The following CAPN13 variants were observed in gnomAD, a reference collection of about 807,000 sequenced individuals.
CAPN13 encodes calpain-13.
A neutral mutation model predicts 98.4 loss-of-function variants in CAPN13; 90 were observed. The observed-to-expected ratio is 0.92, with a 90% CI of 0.77 to 1.09. The LOEUF (loss-of-function observed/expected upper bound fraction) is 1.09, where lower values mean the gene tolerates loss of function less well. Among genes scored for constraint, CAPN13 ranks in the 50% least tolerant of loss-of-function variants. The probability of loss-of-function intolerance (pLI) is 0.00; values close to 1 mark genes in which losing one functional copy is unlikely to be tolerated. For missense variants in CAPN13, 887 were observed against 841.3 expected (o/e 1.05, Z -0.67); for synonymous variants, 330 against 305.5 (o/e 1.08, Z -0.84).
chr2:30,768,418 G>C (rs1019446665), intron 5 of CAPN13, among the ~76,000 whole-genome samples: 1 of 152,216 alleles, frequency 6.6e-6, no homozygotes, highest in Non-Finnish European at 1.5e-5. Flanking sequence ...AAAGACAGGT[G>C]ACTGGGTGGG....
Position 30,751,160 on chromosome 2 carries a change from T to A in CAPN13, c.1179A>T (p.Thr393=). 6.2e-7 allele frequency: 1 copy of A among 1,613,894 alleles called. No homozygotes were observed. The highest frequency in any genetic ancestry group is 8.5e-7 in the Non-Finnish European group (1 of 1,179,830). The part of the protein sequence containing the change: ...NVVVCVTVAV[T]PSNLKAEDAK... ...CATCTTCTGCTTTCAAATTTGATGG[T>A]GTGACAGCAACTGTGACGCACACGA... is the stretch of plus-strand genomic sequence containing the variant. The change falls in exon 11 of 23, where the codon ACA becomes ACT. Residue 393 remains threonine (T), a synonymous_variant. Transcript: ENST00000295055.
At position 30,743,807 on chromosome 2, in the gene CAPN13, G is replaced by T. The variant is rs552307753; in HGVS notation, c.1249-228C>A. 17 of 658,548 alleles carry T rather than the reference G, an allele frequency of 2.6e-5. No homozygotes were observed. In the African/African-American group the frequency reaches 3.0e-4, roughly 12 times the overall value. 40.8% of individuals were successfully genotyped at this position (658,548 alleles called of 1,614,324 possible). ...TGGATGCAAGGAAATACCACACACA[G>T]TTTCATCTCATTGGGTCTAACAGCA... On this transcript the variant is annotated intron_variant, in intron 12 of 22. Coordinates refer to ENST00000295055, the MANE Select transcript of CAPN13 (RefSeq NM_144575.3).
intron 22 of CAPN13, among the ~76,000 whole-genome samples, chr2:30,730,285 A>C (rs552961774): frequency 2.6e-5 from 4 of 152,328 alleles, no homozygotes; most frequent in African/African-American, 9.6e-5. Flanking sequence ...ACTGATGCCT[A>C]CAGATGTTCA....
chr2:30,754,070 A>G (rs769294891), intron 9 of CAPN13, among the ~76,000 whole-genome samples: 7 of 152,220 alleles, frequency 4.6e-5, no homozygotes, highest in Non-Finnish European at 1.0e-4. Context: ...TGTCCTGGAA[A>G]GTTCAGCATT....
rs180950669 is a variant in CAPN13 at position 30,796,250 on chromosome 2, A to G, written c.-32-8893T>C. Among the ~76,000 whole-genome samples the G allele has an allele frequency of 1.4e-4, 20 of 146,522 alleles. 2 individuals carry two copies. In the East Asian group the frequency reaches 3.7e-3, roughly 27 times the overall value. ...TATATATATATGTGTGCATATATATATACGTATATATATAGTCTTGATTTT... is the reference window on the plus strand; with the variant it reads ...TATATATATATGTGTGCATATATATGTACGTATATATATAGTCTTGATTTT... On this transcript the variant is annotated intron_variant, in intron 1 of 22. Transcript: ENST00000295055.
At chr2:30,747,749 A>C (rs1259150989) in intron 11 of CAPN13, among the ~76,000 whole-genome samples, 1 of 152,184 alleles carries the variant, frequency 6.6e-6, no homozygotes, top group African/African-American at 2.4e-5. Context: ...TGGCAGGTAC[A>C]TTGTTGTTTC....
At chr2:30,751,045 C>T in intron 11 of CAPN13, 58 bp downstream of exon 11, 4 of 1,577,862 alleles carry the variant, frequency 2.5e-6, no homozygotes, top group Non-Finnish European at 3.5e-6. Flanking sequence ...CTGTTCTCCC[C>T]AACTCAAGGT....
At chr2:30,742,230 T>A in intron 14 of CAPN13, 96 bp downstream of exon 14, 1 of 1,390,040 alleles carries the variant, frequency 7.2e-7, no homozygotes, top group Non-Finnish European at 1.0e-6. Flanking sequence ...TTTTCATTGG[T>A]TGGGGGCAGC....
chr2:30,771,633 G>C (rs147564539), intron 4 of CAPN13, among the ~76,000 whole-genome samples: 1 of 152,204 alleles, frequency 6.6e-6, no homozygotes, highest in African/African-American at 2.4e-5. Context: ...CCGAAGCACC[G>C]AGGGAAGCTA....
intron 15 of CAPN13, 147 bp downstream of exon 15, chr2:30,741,761 G>A: frequency 1.3e-6 from 2 of 1,498,320 alleles, no homozygotes; most frequent in South Asian, 1.3e-5. Flanking sequence ...AGCAGTTCTG[G>A]AGACGATCCA....
chr2:30,749,388 T>C (rs1353276853), intron 11 of CAPN13, among the ~76,000 whole-genome samples: 1 of 152,236 alleles, frequency 6.6e-6, no homozygotes, highest in African/African-American at 2.4e-5. Flanking sequence ...ACAATCTGTA[T>C]TCTCTCACTG....
Position 30,743,614 on chromosome 2 carries a change from G to A in CAPN13, c.1249-35C>T, listed in dbSNP as rs2147972425. The A allele has an allele frequency of 3.1e-6, 5 of 1,603,822 alleles. No homozygotes were observed. In the South Asian group the frequency reaches 4.4e-5, roughly 14 times the overall value. The stretch of plus-strand genomic sequence containing the variant: ...GAGGAAACACAATGATTGTGAGAAA[G>A]CCTCCTCTGTGCATGGACCCCAGTC... On this transcript the variant is annotated intron_variant, in intron 12 of 22. Transcript: ENST00000295055.
At chr2:30,773,026 A>G (rs763490012) in intron 4 of CAPN13, among the ~76,000 whole-genome samples, 1 of 152,130 alleles carries the variant, frequency 6.6e-6, no homozygotes, top group Non-Finnish European at 1.5e-5. Flanking sequence ...GGGTTTCACC[A>G]TGTTGGCCAG....
chr2:30,748,230 A>C (rs1463352547), intron 11 of CAPN13, among the ~76,000 whole-genome samples: 1 of 152,178 alleles, frequency 6.6e-6, no homozygotes, highest in East Asian at 1.9e-4. Flanking sequence ...GTTCCTTCTC[A>C]GCCTTTCACA....
intron 22 of CAPN13, among the ~76,000 whole-genome samples, chr2:30,728,639 A>T (rs1384812325): frequency 3.3e-5 from 5 of 152,206 alleles, no homozygotes; most frequent in African/African-American, 4.8e-5. Flanking sequence ...TCCAGAGGAG[A>T]CAGGCTCCTG....
intron 5 of CAPN13, among the ~76,000 whole-genome samples, chr2:30,766,149 C>A: frequency 6.6e-6 from 1 of 152,226 alleles, no homozygotes; most frequent in South Asian, 2.1e-4. Flanking sequence ...TGCAACAGCC[C>A]CTTTCTGGTG....
intron 11 of CAPN13, among the ~76,000 whole-genome samples, chr2:30,749,470 GCCGTGTCTGTCCATAAATGCA>G (rs746240091): frequency 2.0e-5 from 3 of 152,196 alleles, no homozygotes; most frequent in Non-Finnish European, 2.9e-5. Context: ...GTACCCAGGA[GCCGTGTCTGTCCATAAATGCA>G]CTGACACCCA....
At chr2:30,763,764 A>G (rs1182993317) in intron 6 of CAPN13, among the ~76,000 whole-genome samples, 2 of 152,164 alleles carry the variant, frequency 1.3e-5, no homozygotes, top group Non-Finnish European at 2.9e-5. Context: ...GCAAAATACA[A>G]AGGAGCTGAA....
At chr2:30,770,497 A>AG (rs1307947892) in intron 4 of CAPN13, 48 bp from the exon 5 acceptor site, 3 of 1,597,402 alleles carry the variant, frequency 1.9e-6, no homozygotes, top group Non-Finnish European at 2.6e-6. Context: ...GGCAGAAGGG[A>AG]GCTCCTGGGT....
Sources: gnomAD v4.1 joint callset for allele counts (sites outside exome capture counted in the v4.1 genomes callset) on GRCh38, gnomAD v4.1.1 for gene constraint, MANE v1.5 for transcripts, NCBI Gene and HGNC (gene_info 2026-07-23, HGNC 2026-07-21) for gene names.